The following PTPRD variants were observed in gnomAD, a reference collection of about 807,000 sequenced individuals.
The protein encoded by PTPRD is protein tyrosine phosphatase receptor type D.
A neutral mutation model predicts 214.5 loss-of-function variants in PTPRD; 34 were observed. The ratio of observed to expected loss-of-function variants is 0.16; its 90% CI spans 0.12 to 0.21. The LOEUF (loss-of-function observed/expected upper bound fraction) is 0.21, where lower values mean the gene tolerates loss of function less well. Ranked by LOEUF, PTPRD falls within the 10% of genes least tolerant of loss-of-function variation. PTPRD has a pLI of 1.00. For synonymous variants in PTPRD, 1,128 were observed against 845.7 expected (o/e 1.33, Z -5.79); for missense variants, 2,545 against 2,398.7 (o/e 1.06, Z -1.27).
intron 2 of PTPRD, among the ~76,000 whole-genome samples, chr9:10,476,481 TA>T (rs2099063303): frequency 6.6e-6 from 1 of 151,684 alleles, no homozygotes; most frequent in Non-Finnish European, 1.5e-5. Context: ...CTAAAGGAAG[TA>T]AAAGAGGACA....
rs542478262 is a variant in PTPRD at position 8,699,412 on chromosome 9, T to C, written c.64+34368A>G. On this transcript the variant is annotated intron_variant, in intron 12 of 45. Transcript: ENST00000381196. ...TAATGTAAATACATGGTATTTTTCA[T>C]GATAAGCATTTGAGGACATTTTTCC... 2.6e-5 allele frequency among the ~76,000 whole-genome samples: 4 copies of C among 152,330 alleles called. No individual in the cohort carries two copies. In the South Asian group the frequency reaches 6.2e-4, roughly 24 times the overall value.
intron 10 of PTPRD, among the ~76,000 whole-genome samples, chr9:9,063,849 C>T (rs1376870891): frequency 1.3e-5 from 2 of 152,216 alleles, no homozygotes; most frequent in Admixed American, 1.3e-4. Flanking sequence ...TCACTTTTGC[C>T]AGGTCATTAG....
In PTPRD at chr9:8,435,438, G is replaced by A. The variant is rs181466730; in HGVS notation, c.4086+1154C>T. Among the ~76,000 whole-genome samples the A allele has an allele frequency of 1.2e-4, 19 of 152,114 alleles. 1 individual carries two copies. The highest frequency in any genetic ancestry group is 5.9e-4 in the Admixed American group (9 of 15,276). On this transcript the variant is annotated intron_variant, in intron 35 of 45. Coordinates refer to ENST00000381196, the MANE Select transcript of PTPRD (RefSeq NM_002839.4). ...CCAAGAGGTAACAGGATGTGTTAAC[G>A]ACTCCCAGTAAGTAAATCAATAGAA...
intron 14 of PTPRD, among the ~76,000 whole-genome samples, chr9:8,535,420 TA>T (rs1279614434): frequency 6.6e-6 from 1 of 151,986 alleles, no homozygotes; most frequent in Non-Finnish European, 1.5e-5. Flanking sequence ...AACAAGATTT[TA>T]GGCTCTTTGA....
intron 11 of PTPRD, among the ~76,000 whole-genome samples, chr9:9,013,916 C>T (rs1463128594): frequency 2.0e-5 from 3 of 152,106 alleles, no homozygotes; most frequent in African/African-American, 7.2e-5. Flanking sequence ...TAAAATGGAT[C>T]TTTTGTTGGG....
At chr9:9,722,028 T>C (rs1341800112) in intron 7 of PTPRD, among the ~76,000 whole-genome samples, 1 of 152,068 alleles carries the variant, frequency 6.6e-6, no homozygotes, top group Non-Finnish European at 1.5e-5. Context: ...AGTTTTAATA[T>C]ATCATATTTA....
intron 2 of PTPRD, among the ~76,000 whole-genome samples, chr9:10,460,216 T>TA (rs948741387): frequency 6.6e-5 from 10 of 151,420 alleles, no homozygotes; most frequent in African/African-American, 2.4e-4. Context: ...AAAATACAGA[T>TA]AAAAAAAATT....
At chr9:10,296,291 A>G (rs1200072067) in intron 3 of PTPRD, among the ~76,000 whole-genome samples, 1 of 152,050 alleles carries the variant, frequency 6.6e-6, no homozygotes, top group African/African-American at 2.4e-5. Context: ...AAAAATAGAA[A>G]TTGACCCTTC....
intron 9 of PTPRD, among the ~76,000 whole-genome samples, chr9:9,194,679 T>C (rs2099937225): frequency 6.6e-6 from 1 of 152,150 alleles, no homozygotes; most frequent in African/African-American, 2.4e-5. Flanking sequence ...AGCTGGTCAG[T>C]ATACTTATAT....
At chr9:10,058,616 G>A (rs188603996) in intron 3 of PTPRD, among the ~76,000 whole-genome samples, 1 of 152,206 alleles carries the variant, frequency 6.6e-6, no homozygotes, top group East Asian at 1.9e-4. Context: ...TAAGGTGGTA[G>A]TGTTTGATGC....
intron 2 of PTPRD, among the ~76,000 whole-genome samples, chr9:10,373,635 C>G (rs1428011350): frequency 6.6e-6 from 1 of 152,050 alleles, no homozygotes; most frequent in Non-Finnish European, 1.5e-5. Flanking sequence ...AGCCTTTTCC[C>G]CAGCTATAGG....
At chr9:10,575,851 G>C (rs1179034741) in intron 2 of PTPRD, among the ~76,000 whole-genome samples, 1 of 152,078 alleles carries the variant, frequency 6.6e-6, no homozygotes. Context: ...ACATTGCTCA[G>C]GAGATGAATC....
intron 11 of PTPRD, among the ~76,000 whole-genome samples, chr9:8,841,160 T>C (rs2154535130): frequency 6.6e-6 from 1 of 152,302 alleles, no homozygotes; most frequent in East Asian, 1.9e-4. Context: ...GATTTAGATC[T>C]GTAATTACAA....
At chr9:10,439,354 A>G (rs1174107007) in intron 2 of PTPRD, among the ~76,000 whole-genome samples, 1 of 151,862 alleles carries the variant, frequency 6.6e-6, no homozygotes, top group Admixed American at 6.6e-5. Context: ...GCCAGCTGTG[A>G]AAAATCAAGC....
At chr9:8,850,616 C>T (rs560695463) in intron 11 of PTPRD, among the ~76,000 whole-genome samples, 1 of 152,016 alleles carries the variant, frequency 6.6e-6, no homozygotes, top group Non-Finnish European at 1.5e-5. Context: ...TAAGATACAT[C>T]CAACAAACTA....
chr9:9,786,824 A>AG (rs2098928098), intron 5 of PTPRD, among the ~76,000 whole-genome samples: 1 of 152,146 alleles, frequency 6.6e-6, no homozygotes, highest in Non-Finnish European at 1.5e-5. Context: ...CCATCTTAAT[A>AG]CTAATTTTTA....
intron 7 of PTPRD, among the ~76,000 whole-genome samples, chr9:9,727,149 T>C (rs2098110187): frequency 6.6e-6 from 1 of 152,124 alleles, no homozygotes. Context: ...TCAGACTTAT[T>C]AGAATCACTA....
At chr9:8,518,500 T>C (rs2097826616) in intron 20 of PTPRD, 71 bp from the exon 21 acceptor site, 1 of 1,092,046 alleles carries the variant, frequency 9.2e-7, no homozygotes, top group Non-Finnish European at 1.3e-6. Flanking sequence ...CTATAAACTC[T>C]ACTATGAAAA....
intron 8 of PTPRD, among the ~76,000 whole-genome samples, chr9:9,442,765 TG>T (rs2088635884): frequency 1.3e-5 from 2 of 152,306 alleles, no homozygotes; most frequent in East Asian, 3.9e-4. Context: ...CTGGCCATAC[TG>T]GGAATGTCTT....
Sources: allele counts gnomAD v4.1 joint callset (sites outside exome capture counted in the v4.1 genomes callset), GRCh38; gene constraint gnomAD v4.1.1; transcripts MANE v1.5; gene names NCBI Gene and HGNC (gene_info 2026-07-23, HGNC 2026-07-21).